HDAC9: variants seen among roughly 807,000 people sequenced by gnomAD.
HDAC9 encodes histone deacetylase 9.
A neutral mutation model predicts 139.4 loss-of-function variants in HDAC9; 41 were observed. That is an observed-to-expected ratio of 0.29 (90% CI 0.23 to 0.38). HDAC9 has a LOEUF of 0.38. Among genes scored for constraint, HDAC9 ranks in the 10% least tolerant of loss-of-function variants. HDAC9 has a pLI of 1.00. For synonymous variants in HDAC9, 517 were observed against 476.2 expected, an observed-to-expected ratio of 1.09 and a Z score of -1.12; for missense variants, 1,147 against 1,297.0, an observed-to-expected ratio of 0.88 and a Z score of 1.78.
intron 13 of HDAC9, among the ~76,000 whole-genome samples, chr7:18,732,866 T>A (rs1277062802): frequency 9.7e-6 from 1 of 103,400 alleles, no homozygotes. Flanking sequence ...TGTGCGTATG[T>A]GTACACACAC....
intron 2 of HDAC9, among the ~76,000 whole-genome samples, chr7:18,273,758 A>G (rs1342196560): frequency 6.6e-6 from 1 of 152,178 alleles, no homozygotes; most frequent in Non-Finnish European, 1.5e-5. Flanking sequence ...GAATACCAAA[A>G]ATAATATAAG....
chr7:18,747,561 A>G (rs1200291769), intron 13 of HDAC9, among the ~76,000 whole-genome samples: 1 of 152,124 alleles, frequency 6.6e-6, no homozygotes, highest in Non-Finnish European at 1.5e-5. Context: ...AATCAGAGAC[A>G]TTTTCACTTT....
chr7:18,141,132 T>A (rs767122457), intron 1 of HDAC9, among the ~76,000 whole-genome samples: 1 of 152,212 alleles, frequency 6.6e-6, no homozygotes, highest in Non-Finnish European at 1.5e-5. Flanking sequence ...CTTCTATTGT[T>A]CTGTAATGAG....
chr7:18,325,560 C>G (rs987560792), intron 1 of HDAC9: 1 of 151,982 alleles, frequency 6.6e-6, no homozygotes, highest in African/African-American at 2.4e-5. Context: ...CTCCAGTGAT[C>G]AAGTGGTCCT....
chr7:18,529,483 AT>A (rs1230745565), intron 2 of HDAC9, among the ~76,000 whole-genome samples: 1 of 152,206 alleles, frequency 6.6e-6, no homozygotes, highest in African/African-American at 2.4e-5. Flanking sequence ...GCTTGTATAG[AT>A]TTCCAAAGTA....
intron 2 of HDAC9, among the ~76,000 whole-genome samples, chr7:18,280,762 C>CAAA (rs11459678): frequency 0.023 from 3,376 of 146,196 alleles, 74 homozygotes; most frequent in African/African-American, 0.052. Context: ...GACCCTGTCT[C>CAAA]AAAAAAAATA....
At chr7:18,599,524 T>G (rs1833388038) in intron 6 of HDAC9, among the ~76,000 whole-genome samples, 1 of 152,230 alleles carries the variant, frequency 6.6e-6, no homozygotes, top group South Asian at 2.1e-4. Context: ...TAGTTTTGCC[T>G]TCTGCAGAAT....
intron 12 of HDAC9, among the ~76,000 whole-genome samples, chr7:18,720,560 T>G (rs1785064053): frequency 1.3e-5 from 2 of 151,884 alleles, no homozygotes; most frequent in Non-Finnish European, 1.5e-5. Flanking sequence ...TATTTCATAG[T>G]TGGTACAGAT....
intron 17 of HDAC9, among the ~76,000 whole-genome samples, chr7:18,815,881 T>G (rs1466629970): frequency 6.6e-6 from 1 of 152,240 alleles, no homozygotes; most frequent in Non-Finnish European, 1.5e-5. Flanking sequence ...GATTCCAGCA[T>G]GTGAGAGACA....
upstream of HDAC9, chr7:18,290,253 T>A (rs1191057436): frequency 6.2e-6 from 2 of 323,518 alleles, no homozygotes; most frequent in East Asian, 1.5e-4. Flanking sequence ...CCAGCTATAG[T>A]AACTGTCTTT....
chr7:18,479,843 A>G (rs1445426515), intron 1 of HDAC9, among the ~76,000 whole-genome samples: 1 of 151,996 alleles, frequency 6.6e-6, no homozygotes, highest in Non-Finnish European at 1.5e-5. Flanking sequence ...ATGGTTTATT[A>G]TATTACATAA....
chr7:18,740,355 C>T (rs1787336875), intron 13 of HDAC9, among the ~76,000 whole-genome samples: 1 of 152,218 alleles, frequency 6.6e-6, no homozygotes, highest in Non-Finnish European at 1.5e-5. Flanking sequence ...CTGTGTCAAT[C>T]ACAGAAGACC....
At chr7:18,723,104 G>T (rs1785260418) in intron 12 of HDAC9, among the ~76,000 whole-genome samples, 1 of 151,774 alleles carries the variant, frequency 6.6e-6, no homozygotes, top group South Asian at 2.1e-4. Flanking sequence ...ATTTTGTCTG[G>T]ACTCTATTTC....
At chr7:18,660,635 CAAT>C (rs2129059508) in intron 11 of HDAC9, among the ~76,000 whole-genome samples, 1 of 151,928 alleles carries the variant, frequency 6.6e-6, no homozygotes, top group South Asian at 2.1e-4. Context: ...TGCCAGACAA[CAAT>C]AAGGACTCTA....
chr7:18,609,139 A>G (rs570103582), intron 6 of HDAC9, among the ~76,000 whole-genome samples: 24 of 152,182 alleles, frequency 1.6e-4, no homozygotes, highest in Non-Finnish European at 4.4e-5. Flanking sequence ...GCATTAGCCT[A>G]TTGTAGCTGT....
intron 1 of HDAC9, among the ~76,000 whole-genome samples, chr7:18,448,419 C>T (rs1460218510): frequency 6.6e-6 from 1 of 152,096 alleles, no homozygotes; most frequent in Non-Finnish European, 1.5e-5. Context: ...AAAAATATCA[C>T]CTTTGATCCC....
chr7:18,906,520 TTAAGA>T (rs1417093862), intron 22 of HDAC9, among the ~76,000 whole-genome samples: 3 of 152,184 alleles, frequency 2.0e-5, no homozygotes, highest in Non-Finnish European at 4.4e-5. Flanking sequence ...TTTTGAGTTG[TTAAGA>T]TAATATAGTT....
At chr7:18,148,421 C>T (rs1462941139) in intron 1 of HDAC9, among the ~76,000 whole-genome samples, 1 of 152,198 alleles carries the variant, frequency 6.6e-6, no homozygotes, top group Admixed American at 6.5e-5. Flanking sequence ...ATCTCCACTT[C>T]TGCCTGACTG....
At chr7:18,977,084 T>A (rs576957796) in intron 25 of HDAC9, among the ~76,000 whole-genome samples, 5 of 152,334 alleles carry the variant, frequency 3.3e-5, no homozygotes, top group Non-Finnish European at 7.4e-5. Flanking sequence ...TCTCTTACCA[T>A]AACCACTTAA....
Sources: allele counts gnomAD v4.1 joint callset (sites outside exome capture counted in the v4.1 genomes callset), GRCh38; gene constraint gnomAD v4.1.1; transcripts MANE v1.5; gene names NCBI Gene and HGNC (gene_info 2026-07-23, HGNC 2026-07-21).